The following CDH18 variants were observed in gnomAD, a reference collection of about 807,000 sequenced individuals.
CDH18 encodes cadherin-18.
Under a neutral mutation model 67.9 loss-of-function variants are expected in CDH18, and 31 were observed. That is an observed-to-expected ratio of 0.46 (90% CI 0.34 to 0.62). CDH18 has a LOEUF of 0.62. CDH18 is among the 20% of genes least tolerant of loss of function. The probability of loss-of-function intolerance (pLI) is 0.01; values close to 1 mark genes in which losing one functional copy is unlikely to be tolerated. For missense variants in CDH18, 890 were observed against 975.5 expected (o/e 0.91, Z 1.17); for synonymous variants, 362 against 347.2 (o/e 1.04, Z -0.48).
At chr5:20,453,687 TAA>T (rs779610038) in intron 1 of CDH18, among the ~76,000 whole-genome samples, 5 of 149,758 alleles carry the variant, frequency 3.3e-5, no homozygotes, top group Non-Finnish European at 5.9e-5. Flanking sequence ...AAAGAAATGT[TAA>T]GTTGTGTGGT....
chr5:20,044,590 C>G (rs1240359695), intron 2 of CDH18, among the ~76,000 whole-genome samples: 2 of 152,134 alleles, frequency 1.3e-5, no homozygotes, highest in African/African-American at 4.8e-5. Flanking sequence ...AAAAGATCTT[C>G]TTTGCACCAT....
At chr5:19,868,161 T>G (rs1340894891) in intron 2 of CDH18, among the ~76,000 whole-genome samples, 3 of 152,178 alleles carry the variant, frequency 2.0e-5, no homozygotes, top group African/African-American at 7.2e-5. Flanking sequence ...TATATATAAA[T>G]TACTACATTT....
At chr5:19,489,442 T>A (rs1740981755) in intron 11 of CDH18, among the ~76,000 whole-genome samples, 1 of 151,924 alleles carries the variant, frequency 6.6e-6, no homozygotes, top group South Asian at 2.1e-4. Flanking sequence ...AGAGACAGGG[T>A]TTCACCATGT....
intron 3 of CDH18, among the ~76,000 whole-genome samples, chr5:19,827,000 T>C (rs531686045): frequency 2.0e-4 from 31 of 152,168 alleles, no homozygotes; most frequent in African/African-American, 6.3e-4. Context: ...TTACATGCAA[T>C]GATACCCACA....
At chr5:20,550,986 C>T (rs916789995) in intron 1 of CDH18, among the ~76,000 whole-genome samples, 1 of 152,028 alleles carries the variant, frequency 6.6e-6, no homozygotes, top group Non-Finnish European at 1.5e-5. Flanking sequence ...CTCCCATGAA[C>T]TAATAATAGA....
intron 5 of CDH18, among the ~76,000 whole-genome samples, chr5:19,621,325 T>G (rs1205177298): frequency 6.6e-6 from 1 of 151,798 alleles, no homozygotes. Context: ...ACCAACAGTA[T>G]GGCTCTCCAA....
chr5:19,936,997 T>G (rs1164208286), intron 2 of CDH18, among the ~76,000 whole-genome samples: 2 of 151,380 alleles, frequency 1.3e-5, no homozygotes, highest in Admixed American at 1.3e-4. Context: ...CCATATATAC[T>G]CTTTTCAAGT....
At chr5:19,659,112 C>T (rs539473401) in intron 5 of CDH18, among the ~76,000 whole-genome samples, 1 of 152,196 alleles carries the variant, frequency 6.6e-6, no homozygotes, top group Admixed American at 6.6e-5. Flanking sequence ...TACTTTTAAA[C>T]TTCTAAAATA....
chr5:20,364,782 G>A (rs1314539263), intron 1 of CDH18, among the ~76,000 whole-genome samples: 1 of 152,144 alleles, frequency 6.6e-6, no homozygotes, highest in Non-Finnish European at 1.5e-5. Context: ...ATGGTATTTA[G>A]AGAGACATAT....
intron 1 of CDH18, among the ~76,000 whole-genome samples, chr5:20,265,038 T>C (rs991266825): frequency 1.3e-5 from 2 of 152,152 alleles, no homozygotes; most frequent in Non-Finnish European, 2.9e-5. Flanking sequence ...GATATCTAAA[T>C]AAACTCAATT....
intron 2 of CDH18, among the ~76,000 whole-genome samples, chr5:20,194,522 G>C (rs1738807745): frequency 6.6e-6 from 1 of 152,056 alleles, no homozygotes; most frequent in Non-Finnish European, 1.5e-5. Context: ...ACAGATATAA[G>C]GGCATAAATG....
rs1783597626 is a variant in CDH18, at chr5:19,850,849, T to C, written c.-256-11607A>G. Among the ~76,000 whole-genome samples the C allele has an allele frequency of 2.6e-5, 4 of 152,024 alleles. No individual in the cohort carries two copies. In the South Asian group the frequency reaches 6.2e-4, roughly 24 times the overall value. ...TTTACTATCTGAGAACTCATTGAGA[T>C]TTTATTTGCAACGTGCTGTACATAT... On this transcript the variant is annotated intron_variant, in intron 2 of 12. Transcript: ENST00000382275.
At chr5:20,131,439 A>G (rs1749258979) in intron 2 of CDH18, among the ~76,000 whole-genome samples, 1 of 152,094 alleles carries the variant, frequency 6.6e-6, no homozygotes, top group African/African-American at 2.4e-5. Context: ...TTGGTAATAT[A>G]ATAATTAAAT....
intron 10 of CDH18, among the ~76,000 whole-genome samples, chr5:19,511,933 T>C (rs418681): frequency 0.21 from 32,401 of 151,998 alleles, 3,752 homozygotes; most frequent in African/African-American, 0.28. Context: ...GTCTCCAGGG[T>C]ATGTCAGAGG....
intron 3 of CDH18, among the ~76,000 whole-genome samples, chr5:19,807,595 C>T (rs1048786828): frequency 1.1e-4 from 16 of 152,140 alleles, no homozygotes; most frequent in African/African-American, 3.4e-4. Context: ...CCACAGGTAC[C>T]TGAGTCTTTG....
At chr5:19,684,601 G>T (rs1355202390) in intron 5 of CDH18, among the ~76,000 whole-genome samples, 4 of 151,014 alleles carry the variant, frequency 2.6e-5, no homozygotes, top group Non-Finnish European at 4.4e-5. Context: ...AATTTTTAGA[G>T]TCTTCTACAT....
chr5:19,515,905 G>T (rs1003155314), intron 10 of CDH18, among the ~76,000 whole-genome samples: 1 of 152,318 alleles, frequency 6.6e-6, no homozygotes, highest in Non-Finnish European at 1.5e-5. Context: ...AGTGGTGAGA[G>T]AGGGCATCCC....
intron 2 of CDH18, among the ~76,000 whole-genome samples, chr5:20,003,899 AAAAC>A (rs562437462): frequency 1.1e-3 from 161 of 152,362 alleles, no homozygotes; most frequent in South Asian, 2.9e-3. Context: ...TCCGTCTCAA[AAAAC>A]AAACAAACAA....
intron 2 of CDH18, among the ~76,000 whole-genome samples, chr5:20,196,385 C>T (rs926921686): frequency 1.3e-5 from 2 of 152,086 alleles, no homozygotes; most frequent in Admixed American, 6.5e-5. Context: ...ACAGAGATAT[C>T]AAGGTATTGT....
Sources: allele counts gnomAD v4.1 joint callset (sites outside exome capture counted in the v4.1 genomes callset), GRCh38; gene constraint gnomAD v4.1.1; transcripts MANE v1.5; gene names NCBI Gene and HGNC (gene_info 2026-07-23, HGNC 2026-07-21).